GAPDHS: variants seen among roughly 807,000 people sequenced by gnomAD.
The protein encoded by GAPDHS is glyceraldehyde-3-phosphate dehydrogenase, testis-specific.
Under a neutral mutation model 48.7 loss-of-function variants are expected in GAPDHS, and 42 were observed. The observed-to-expected ratio is 0.86, with a 90% CI of 0.67 to 1.12. The LOEUF (loss-of-function observed/expected upper bound fraction) is 1.12, where lower values mean the gene tolerates loss of function less well. Ranked by LOEUF, GAPDHS falls within the 50% of genes most tolerant of loss-of-function variation. The pLI, the probability that GAPDHS is intolerant of heterozygous loss-of-function variation, is 0.00. For missense variants in GAPDHS, 512 were observed against 557.7 expected (o/e 0.92, Z 0.82); for synonymous variants, 166 against 219.1 (o/e 0.76, Z 2.14).
chr19:35,543,315 C>T lies in GAPDHS; in HGVS notation c.742-25C>T, dbSNP rs370005390. The T allele has an allele frequency of 8.8e-5, 141 of 1,606,814 alleles. 1 individual carries two copies. The highest frequency in any genetic ancestry group is 1.1e-4 in the Non-Finnish European group (126 of 1,177,782). On this transcript the variant is annotated intron_variant, in intron 7 of 10. Transcript: ENST00000222286. ...TGGGAGCTTAGGAGCATGAAGGCCT[C>T]ATCTTGGTCCTTCTCTTCCCCAAGA...
At chr19:35,537,283 C>G (rs1014491384) in intron 2 of GAPDHS, among the ~76,000 whole-genome samples, 2 of 152,112 alleles carry the variant, frequency 1.3e-5, no homozygotes, top group African/African-American at 4.8e-5. Flanking sequence ...TCAGGGAAGG[C>G]CTTGGGGAGA....
Position 35,545,098 on chromosome 19 carries a change from G to GAGGAA in GAPDHS, c.1155_1156insAGGAA (p.Tyr386ArgfsTer?). 2 of 1,614,018 alleles carry GAGGAA rather than the reference G, an allele frequency of 1.2e-6. No individual in the cohort carries two copies. The highest frequency in any genetic ancestry group is 1.7e-6 in the Non-Finnish European group (2 of 1,179,886). On this transcript the variant is annotated frameshift_variant and splice_region_variant, in exon 11 of 11. Transcript: ENST00000222286. LOFTEE classifies it high-confidence loss of function. ...GAACCTCCCGACCCCTCCTCCACAG[G>GAGGAA]TACGACAACGAATATGGCTACAGTC...
chr19:35,544,306 G>C (rs192960663), intron 9 of GAPDHS: 1 of 165,840 alleles, frequency 6.0e-6, no homozygotes, highest in Non-Finnish European at 1.3e-5. Context: ...ATGGCCAGAT[G>C]CCTTCTCTGT....
intron 1 of GAPDHS, 80 bp from the exon 2 acceptor site, chr19:35,536,733 C>T (rs1417205744): frequency 8.0e-7 from 1 of 1,243,896 alleles, no homozygotes; most frequent in East Asian, 2.4e-5. Flanking sequence ...GAGCCAGCAA[C>T]AGATTCTGGG....
At chr19:35,542,810 C>A in intron 6 of GAPDHS, 135 bp from the exon 7 acceptor site, 2 of 757,972 alleles carry the variant, frequency 2.6e-6, no homozygotes, top group East Asian at 2.5e-5. Context: ...CTGACAGTGT[C>A]CCCACAGATC....
rs2071514447 is a variant in GAPDHS at position 35,542,873 on chromosome 19, A to G, written c.660-72A>G. 3 of 1,115,640 alleles carry G rather than the reference A, an allele frequency of 2.7e-6. No homozygotes were observed. The African/African-American group carries it at 4.6e-5, about 17-fold the overall frequency. The allele number at this position is 1,115,640 out of a possible 1,614,324, so 69.1% of individuals were successfully genotyped here. A position where few individuals can be genotyped will look rare whatever the true frequency, so the allele number is the denominator to read the frequency against. On this transcript the variant is annotated intron_variant, in intron 6 of 10. Transcript: ENST00000222286. ...AAAACCAAGTCTGCGTGCATACCCC[A>G]AGAGGGGTAAGGGTGGAGGGGTGGC... is the stretch of plus-strand genomic sequence containing the variant.
chr19:35,538,449 G>T, intron 3 of GAPDHS, 46 bp downstream of exon 3: 1 of 1,258,776 alleles, frequency 7.9e-7, no homozygotes, highest in South Asian at 1.2e-5. Context: ...GGACTGGGGT[G>T]GGAAAGGGAC....
rs565926193 is a variant in GAPDHS at position 35,545,310 on chromosome 19, A to G, written c.*140A>G. 8 of 744,664 alleles carry G rather than the reference A, an allele frequency of 1.1e-5. No homozygotes were observed. In the South Asian group the frequency reaches 1.2e-4, roughly 11 times the overall value. 46.1% of individuals were successfully genotyped at this position (744,664 alleles called of 1,614,324 possible). A position where few individuals can be genotyped will look rare whatever the true frequency, so the allele number is the denominator to read the frequency against. On this transcript the variant is annotated 3_prime_UTR_variant, in exon 11 of 11. Coordinates refer to ENST00000222286, the MANE Select transcript of GAPDHS (RefSeq NM_014364.5). ...ATGGGTCCATGGTGAAATAAAAAAC[A>G]GTGCTCACGGCTGCGTCCCGTATCT...
chr19:35,544,452 G>A (rs531885109), intron 9 of GAPDHS: 9 of 173,164 alleles, frequency 5.2e-5, no homozygotes, highest in Admixed American at 1.6e-4. Flanking sequence ...TGCATCACCC[G>A]TTTTCAGGAT....
intron 9 of GAPDHS, chr19:35,544,161 C>T (rs1168095849): frequency 8.9e-6 from 2 of 225,374 alleles, no homozygotes; most frequent in East Asian, 1.0e-4. Context: ...GTGTGCACTC[C>T]AAGAAAACAG....
In GAPDHS at chr19:35,542,142, G is replaced by A; in HGVS notation, c.450-177G>A. 3 of 606,540 alleles carry A rather than the reference G, an allele frequency of 4.9e-6. No homozygotes were observed. The East Asian group carries it at 8.3e-5, about 17-fold the overall frequency. The allele number at this position is 606,540 out of a possible 1,614,324, so 37.6% of individuals were successfully genotyped here. On this transcript the variant is annotated intron_variant, in intron 4 of 10. Transcript: ENST00000222286. The stretch of plus-strand genomic sequence containing the variant: ...AAGTGGTCTGAAGTGGGGCAGTGGT[G>A]AAAAGCTAGGCCAGCGGGGTGGAGC...
At chr19:35,542,737 GCA>G in intron 6 of GAPDHS, 129 bp downstream of exon 6, 1 of 775,330 alleles carries the variant, frequency 1.3e-6, no homozygotes, top group Non-Finnish European at 2.2e-6. Context: ...TGCTAAAAAC[GCA>G]TGACTTCCAG....
At position 35,542,355 on chromosome 19, in the gene GAPDHS, G is replaced by A. The variant is rs770162677; in HGVS notation, c.486G>A (p.Gly162=). 4 of 1,613,040 alleles carry A rather than the reference G, an allele frequency of 2.5e-6. No individual in the cohort carries two copies. In the African/African-American group the frequency reaches 5.3e-5, roughly 22 times the overall value. Residue 162 remains glycine, a synonymous_variant, in exon 5 of 11, where the codon GGG becomes GGA. Coordinates refer to ENST00000222286, the MANE Select transcript of GAPDHS (RefSeq NM_014364.5). The stretch of plus-strand genomic sequence containing the variant: ...AACAGATCCCCTGGAGGGCTGTCGG[G>A]AGCCCCTACGTGGTGGAGTCCACAG... ...EPKQIPWRAV[G]SPYVVESTGV...
intron 6 of GAPDHS, 85 bp downstream of exon 6, chr19:35,542,693 C>T (rs940919391): frequency 1.6e-5 from 16 of 974,990 alleles, no homozygotes; most frequent in South Asian, 1.4e-4. Flanking sequence ...GATTCCTGGT[C>T]GCTTGGCTTC....
chr19:35,537,146 C>A (rs752622186), intron 2 of GAPDHS, among the ~76,000 whole-genome samples, 156 bp downstream of exon 2: 1 of 152,230 alleles, frequency 6.6e-6, no homozygotes, highest in Non-Finnish European at 1.5e-5. Context: ...GGGCCCCATG[C>A]TCAGCAGCAT....
rs573362542 is a variant in GAPDHS, at chr19:35,538,315, G to C, written c.254G>C (p.Arg85Pro). 4 of 1,611,856 alleles carry C rather than the reference G, an allele frequency of 2.5e-6. No individual in the cohort carries two copies. The highest frequency in any genetic ancestry group is 8.5e-7 in the Non-Finnish European group (1 of 1,178,448). The change falls in exon 3 of 11, where the codon CGC (arginine) becomes CCC (proline). Residue 85 changes from arginine to proline, a missense_variant. Coordinates refer to ENST00000222286, the MANE Select transcript of GAPDHS (RefSeq NM_014364.5). ...TGTCTGTCCCTGGCCAGATTTGGAC[G>C]CATCGGTCGCCTGGTCCTGCGCGCC... ...ELTVGINGFGRIGRLVLRACM... is the reference protein window; with the variant it reads ...ELTVGINGFGPIGRLVLRACM...
chr19:35,538,370 T>C lies in GAPDHS; in HGVS notation c.309T>C (p.Ala103=), dbSNP rs572778495. The part of the protein sequence containing the change: ...ACMEKGVKVV[A]VNDPFIDPEY... ...TGGAGAAGGGTGTTAAGGTGGTGGC[T>C]GTGAATGATCCATTCATTGACCCGG... is the stretch of plus-strand genomic sequence containing the variant. The change falls in exon 3 of 11, where the codon GCT becomes GCC. Residue 103 remains alanine (A), a synonymous_variant. Transcript: ENST00000222286. The C allele has an allele frequency of 2.5e-6, 4 of 1,613,064 alleles. No homozygotes were observed. Among genetic ancestry groups the C allele is most frequent in the South Asian group, 1.1e-5 (1 of 90,982 alleles).
At chr19:35,534,541 CG>C (rs2071453185) in intron 1 of GAPDHS, among the ~76,000 whole-genome samples, 2 of 152,072 alleles carry the variant, frequency 1.3e-5, no homozygotes, top group African/African-American at 2.4e-5. Context: ...TTTCTCCAAC[CG>C]GGGGACCCCA....
In GAPDHS at chr19:35,543,729, C is replaced by T. The variant is rs758958926; in HGVS notation, c.958C>T (p.Arg320Cys). Residue 320 changes from arginine (R) to cysteine (C), a missense_variant, in exon 9 of 11, where the codon CGC becomes TGC. Physicochemically the swap from Arg to Cys is radical, Grantham distance 180. Coordinates refer to ENST00000222286, the MANE Select transcript of GAPDHS (RefSeq NM_014364.5). ...PDVSVVDLTC[R>C]LAQPAPYSAI... ...TGTGTCTGTCGTGGACCTGACCTGC[C>T]GCCTCGCCCAGCCTGCCCCCTACTC... 11 of 1,613,912 alleles carry T rather than the reference C, an allele frequency of 6.8e-6. No individual in the cohort carries two copies. The highest frequency in any genetic ancestry group is 3.3e-5 in the Admixed American group (2 of 60,014).
Sources: allele counts gnomAD v4.1 joint callset (sites outside exome capture counted in the v4.1 genomes callset), GRCh38; gene constraint gnomAD v4.1.1; transcripts MANE v1.5; gene names NCBI Gene and HGNC (gene_info 2026-07-23, HGNC 2026-07-21).